The following MICU3 variants were observed in gnomAD, a reference collection of about 807,000 sequenced individuals.
MICU3 encodes calcium uptake protein 3, mitochondrial.
Under a neutral mutation model 66.5 loss-of-function variants are expected in MICU3, and 62 were observed. That is an observed-to-expected ratio of 0.93 (90% CI 0.76 to 1.15). MICU3 has a LOEUF of 1.15. MICU3 is among the 50% of genes most tolerant of loss of function. MICU3 has a pLI of 0.00. For missense variants in MICU3, 779 were observed against 664.4 expected, an observed-to-expected ratio of 1.17 and a Z score of -1.90; for synonymous variants, 308 against 240.7, an observed-to-expected ratio of 1.28 and a Z score of -2.59.
Position 17,108,927 on chromosome 8 carries a change from T to G in MICU3, c.1257+3343T>G, listed in dbSNP as rs1289530373. On this transcript the variant is annotated intron_variant, in intron 11 of 14. Coordinates refer to ENST00000318063, the MANE Select transcript of MICU3 (RefSeq NM_181723.3). ...CTCACTCTGCACCAACCACAGAAAC[T>G]CTTTACTGTTTCTCAAATCTTCTGT... 2.0e-5 allele frequency among the ~76,000 whole-genome samples: 3 copies of G among 152,112 alleles called. No individual in the cohort carries two copies. The East Asian group carries it at 5.8e-4, about 29-fold the overall frequency.
chr8:17,096,487 T>C (rs554114455), intron 8 of MICU3, among the ~76,000 whole-genome samples: 1 of 151,976 alleles, frequency 6.6e-6, no homozygotes, highest in South Asian at 2.1e-4. Flanking sequence ...GTTACATATA[T>C]AGGAATCAGT....
At chr8:17,057,461 G>T (rs34742850) in intron 1 of MICU3, among the ~76,000 whole-genome samples, 4,826 of 152,062 alleles carry the variant, frequency 0.032, 120 homozygotes, top group Non-Finnish European at 0.042. Flanking sequence ...ATAATTCAAG[G>T]TTCAAACAGT....
At chr8:17,096,955 TTGTGTGTGTGTG>T (rs3988378) in intron 8 of MICU3, among the ~76,000 whole-genome samples, 13,844 of 141,606 alleles carry the variant, frequency 0.098, 893 homozygotes, top group East Asian at 0.38. Flanking sequence ...CTAAATATAT[TTGTGTGTGTGTG>T]TGTGTGTGTG....
rs1156272331 is a variant in MICU3 at position 17,055,628 on chromosome 8, C to T, written c.382-8456C>T. 2.0e-5 allele frequency among the ~76,000 whole-genome samples: 3 copies of T among 152,186 alleles called. No individual in the cohort carries two copies. In the East Asian group the frequency reaches 5.8e-4, roughly 29 times the overall value. On this transcript the variant is annotated intron_variant, in intron 1 of 14. Transcript: ENST00000318063. Reference sequence around the variant, plus strand: ...AGGCCTGGCCTATAAAAGCTTCTCACATGAACTTCTCCCATACTTTATTTC... The same window carrying T: ...AGGCCTGGCCTATAAAAGCTTCTCATATGAACTTCTCCCATACTTTATTTC...
chr8:17,098,675 C>A lies in MICU3; in HGVS notation c.984+122C>A, dbSNP rs146809838. ...TGTTACATTTTCCATTGTTTTAGTACAGCAAAAATTACTATATATAAACTG... is the reference window on the plus strand; with the variant it reads ...TGTTACATTTTCCATTGTTTTAGTAAAGCAAAAATTACTATATATAAACTG... On this transcript the variant is annotated intron_variant, in intron 9 of 14. Transcript: ENST00000318063. 4 of 672,786 alleles carry A rather than the reference C, an allele frequency of 5.9e-6. No homozygotes were observed. The East Asian group carries it at 1.0e-4, about 17-fold the overall frequency. 41.7% of individuals were successfully genotyped at this position (672,786 alleles called of 1,614,324 possible).
intron 9 of MICU3, among the ~76,000 whole-genome samples, chr8:17,100,736 C>T (rs977616666): frequency 2.0e-5 from 3 of 151,560 alleles, no homozygotes; most frequent in South Asian, 2.1e-4. Flanking sequence ...AGTAAAACTC[C>T]GTGTCTCCAA....
chr8:17,128,244 AC>A, the MICU3 span, among the ~76,000 whole-genome samples: 12 of 151,802 alleles, frequency 7.9e-5, no homozygotes, highest in Admixed American at 7.9e-4. Flanking sequence ...ACACACACAC[AC>A]ACACACACAC....
chr8:17,081,384 T>A (rs1017215710), intron 4 of MICU3, among the ~76,000 whole-genome samples: 1 of 152,136 alleles, frequency 6.6e-6, no homozygotes, highest in African/African-American at 2.4e-5. Flanking sequence ...TTTTTTATTT[T>A]GTGTTAAGAG....
chr8:17,092,728 GA>G (rs1323918625), intron 8 of MICU3, among the ~76,000 whole-genome samples: 2 of 151,806 alleles, frequency 1.3e-5, no homozygotes, highest in Admixed American at 6.6e-5. Context: ...TTTACAATTA[GA>G]AAAAAATTCC....
chr8:17,069,330 T>G (rs1421281759), intron 2 of MICU3, among the ~76,000 whole-genome samples: 1 of 152,170 alleles, frequency 6.6e-6, no homozygotes, highest in African/African-American at 2.4e-5. Flanking sequence ...TTATTTTATA[T>G]TCTAGTTTGA....
chr8:17,038,157 T>G (rs2150511309), intron 1 of MICU3, among the ~76,000 whole-genome samples: 1 of 152,238 alleles, frequency 6.6e-6, no homozygotes, highest in Admixed American at 6.5e-5. Context: ...ACGATCAATT[T>G]TGTAATGTGA....
chr8:17,055,561 C>T (rs569988814), intron 1 of MICU3, among the ~76,000 whole-genome samples: 13 of 152,330 alleles, frequency 8.5e-5, no homozygotes, highest in African/African-American at 3.1e-4. Context: ...GACTTAAGTT[C>T]TCTTCAGTTG....
At chr8:17,028,018 C>A (rs991801490) in intron 1 of MICU3, among the ~76,000 whole-genome samples, 4 of 152,150 alleles carry the variant, frequency 2.6e-5, no homozygotes, top group African/African-American at 9.7e-5. Context: ...TCCTAGATTG[C>A]GCGGGGCGAC....
At chr8:17,067,099 C>A (rs547776717) in intron 2 of MICU3, among the ~76,000 whole-genome samples, 1 of 140,730 alleles carries the variant, frequency 7.1e-6, no homozygotes, top group Admixed American at 6.9e-5. Context: ...TAATTAGGAA[C>A]AATCACAAAA....
At chr8:17,079,710 T>G (rs959268633) in intron 4 of MICU3, among the ~76,000 whole-genome samples, 1 of 151,906 alleles carries the variant, frequency 6.6e-6, no homozygotes, top group Non-Finnish European at 1.5e-5. Context: ...CCCAGGCTGG[T>G]TTTGAACTTC....
At chr8:17,118,177 T>C (rs1802868506) in intron 13 of MICU3, among the ~76,000 whole-genome samples, 1 of 152,206 alleles carries the variant, frequency 6.6e-6, no homozygotes, top group African/African-American at 2.4e-5. Context: ...CTAGAAACGT[T>C]TGCCACTGTA....
chr8:17,061,551 G>A (rs187222673), intron 1 of MICU3, among the ~76,000 whole-genome samples: 4 of 152,248 alleles, frequency 2.6e-5, no homozygotes, highest in Admixed American at 6.5e-5. Flanking sequence ...GTTATAGGCA[G>A]AAACTTGGGG....
intron 11 of MICU3, among the ~76,000 whole-genome samples, chr8:17,109,866 A>G (rs1802045015): frequency 1.3e-5 from 2 of 152,194 alleles, no homozygotes; most frequent in African/African-American, 4.8e-5. Flanking sequence ...TGTTAACAAG[A>G]AAGTAGTATA....
downstream of MICU3, among the ~76,000 whole-genome samples, chr8:17,124,036 A>G (rs1020147195): frequency 2.0e-5 from 3 of 149,532 alleles, no homozygotes; most frequent in Non-Finnish European, 3.0e-5. Flanking sequence ...TTTGGTATCT[A>G]CCTTCATATT....
Sources: gnomAD v4.1 joint callset for allele counts (sites outside exome capture counted in the v4.1 genomes callset) on GRCh38, gnomAD v4.1.1 for gene constraint, MANE v1.5 for transcripts, NCBI Gene and HGNC (gene_info 2026-07-23, HGNC 2026-07-21) for gene names.